The following SNRPN variants were observed in gnomAD, a reference collection of about 807,000 sequenced individuals.
SNRPN encodes the protein small nuclear ribonucleoprotein-associated protein N.
A neutral mutation model predicts 25.2 loss-of-function variants in SNRPN; 7 were observed. The observed-to-expected ratio is 0.28, with a 90% CI of 0.16 to 0.52. SNRPN has a LOEUF of 0.52. Among genes scored for constraint, SNRPN ranks in the 20% least tolerant of loss-of-function variants. The pLI is 0.96. For missense variants in SNRPN, 196 were observed against 322.5 expected (o/e 0.61, Z 3.00); for synonymous variants, 124 against 110.6 (o/e 1.12, Z -0.76).
upstream of SNRPN, among the ~76,000 whole-genome samples, chr15:24,953,051 C>T (rs1011246822): frequency 5.9e-5 from 9 of 152,322 alleles, no homozygotes; most frequent in South Asian, 1.7e-3. Context: ...TTTTACCCAG[C>T]TTATACTAGG....
At chr15:24,885,009 T>C (rs1375376858) in intron 1 of SNRPN, among the ~76,000 whole-genome samples, 2 of 152,204 alleles carry the variant, frequency 1.3e-5, no homozygotes, top group Admixed American at 6.5e-5. Flanking sequence ...GTCTTGTCTA[T>C]GTAAAGACTA....
At chr15:24,844,669 C>T (rs921594381) in intron 2 of SNRPN, among the ~76,000 whole-genome samples, 26 of 152,114 alleles carry the variant, frequency 1.7e-4, no homozygotes, top group African/African-American at 6.0e-4. Context: ...GGATTACAGG[C>T]ACCCTCTATC....
chr15:24,938,545 G>A (rs1226792932), intron 3 of SNRPN, among the ~76,000 whole-genome samples: 2 of 151,430 alleles, frequency 1.3e-5, no homozygotes, highest in Non-Finnish European at 2.9e-5. Context: ...AAAGTGCTGG[G>A]ATTACATGTG....
At chr15:24,884,033 T>A (rs34315436) in intron 1 of SNRPN, among the ~76,000 whole-genome samples, 6,001 of 145,948 alleles carry the variant, frequency 0.041, 170 homozygotes, top group Non-Finnish European at 0.06. Flanking sequence ...AATGTAGGGC[T>A]GGGCATGGTG....
chr15:24,965,060 G>A (rs1197606583), intron 2 of SNRPN, among the ~76,000 whole-genome samples: 1 of 152,126 alleles, frequency 6.6e-6, no homozygotes, highest in African/African-American at 2.4e-5. Flanking sequence ...TATGGAATGG[G>A]TAAGCAGGAT....
chr15:24,851,449 CAGG>C (rs1279543376), intron 2 of SNRPN: 4 of 152,922 alleles, frequency 2.6e-5, no homozygotes, highest in African/African-American at 9.6e-5. Flanking sequence ...ATCTGGCAAA[CAGG>C]AGAAAGAGAA....
intron 2 of SNRPN, among the ~76,000 whole-genome samples, chr15:24,889,612 G>A (rs1025340215): frequency 1.3e-5 from 2 of 151,388 alleles, no homozygotes; most frequent in Non-Finnish European, 2.9e-5. Context: ...GCCCTAACAC[G>A]AATTCTTAAG....
upstream of SNRPN, chr15:24,954,834 A>T: frequency 3.1e-6 from 2 of 641,706 alleles, no homozygotes; most frequent in Non-Finnish European, 5.4e-6. Context: ...GGGGTCCAGT[A>T]GCCCCCTCCC....
chr15:24,975,967 A>G, intron 5 of SNRPN, among the ~76,000 whole-genome samples: 1 of 152,244 alleles, frequency 6.6e-6, no homozygotes, highest in Non-Finnish European at 1.5e-5. Context: ...TGATTTAATT[A>G]TTTAAGTAAT....
intron 2 of SNRPN, chr15:24,850,917 T>A (rs1174664416): frequency 6.6e-6 from 1 of 150,984 alleles, no homozygotes; most frequent in African/African-American, 2.4e-5. Context: ...GAGTTTTTAT[T>A]TTTTTTTTGT....
intron 1 of SNRPN, among the ~76,000 whole-genome samples, chr15:24,960,968 A>G (rs1467312076): frequency 6.6e-6 from 1 of 151,228 alleles, no homozygotes; most frequent in Non-Finnish European, 1.5e-5. Flanking sequence ...CATTGTTTGG[A>G]TTTTCTTTTT....
chr15:24,835,069 G>C (rs868096151), intron 2 of SNRPN, among the ~76,000 whole-genome samples: 5,125 of 35,514 alleles, frequency 0.14, 1,398 homozygotes, highest in East Asian at 0.35. Flanking sequence ...TAGATATATA[G>C]TATATATATC....
intron 3 of SNRPN, among the ~76,000 whole-genome samples, chr15:24,937,973 A>G (rs1327047489): frequency 6.6e-6 from 1 of 152,072 alleles, no homozygotes; most frequent in Non-Finnish European, 1.5e-5. Context: ...GTTGAATGAT[A>G]CTCCATTGCA....
chr15:24,945,749 A>G (rs1419815651), intron 3 of SNRPN, among the ~76,000 whole-genome samples: 1 of 152,096 alleles, frequency 6.6e-6, no homozygotes, highest in Non-Finnish European at 1.5e-5. Flanking sequence ...TCTCTTCCTG[A>G]GCCTATCTTG....
At chr15:24,911,024 A>G (rs2059183745) in intron 2 of SNRPN, 23 of 1,458,834 alleles carry the variant, frequency 1.6e-5, no homozygotes, top group East Asian at 2.3e-5. Flanking sequence ...GGCATTTCAC[A>G]TCCATGAAGT....
intron 2 of SNRPN, among the ~76,000 whole-genome samples, chr15:24,898,182 A>G (rs1251073552): frequency 6.6e-6 from 1 of 152,078 alleles, no homozygotes; most frequent in African/African-American, 2.4e-5. Context: ...AAACAAAAAC[A>G]AAAAACAGAG....
chr15:24,882,083 T>A (rs563234853), intron 1 of SNRPN, among the ~76,000 whole-genome samples: 1 of 152,298 alleles, frequency 6.6e-6, no homozygotes, highest in Admixed American at 6.5e-5. Context: ...CCTTAGTGTA[T>A]CATTTCTCCA....
At chr15:24,920,268 CG>C (rs2059951320) in intron 3 of SNRPN, 1 of 152,074 alleles carries the variant, frequency 6.6e-6, no homozygotes, top group Non-Finnish European at 1.5e-5. Flanking sequence ...TTGCTCAAGC[CG>C]TGTTCATTTT....
intron 3 of SNRPN, among the ~76,000 whole-genome samples, chr15:24,943,071 G>T (rs969618264): frequency 3.3e-5 from 5 of 150,080 alleles, no homozygotes; most frequent in Non-Finnish European, 7.4e-5. Context: ...CTATCTATAA[G>T]TCCATCTATC....
Sources: gnomAD v4.1 joint callset for allele counts (sites outside exome capture counted in the v4.1 genomes callset) on GRCh38, gnomAD v4.1.1 for gene constraint, MANE v1.5 for transcripts, NCBI Gene and HGNC (gene_info 2026-07-23, HGNC 2026-07-21) for gene names.